The following FHIT variants were observed in gnomAD, a reference collection of about 807,000 sequenced individuals.
FHIT encodes the protein fragile histidine triad diadenosine triphosphatase, also known as bis(5'-adenosyl)-triphosphatase.
FHIT carries 19 observed loss-of-function variants against 17.9 expected under a neutral mutation model. The observed-to-expected ratio is 1.06, with a 90% CI of 0.74 to 1.56. The LOEUF is 1.56. Ranked by LOEUF, FHIT falls within the 40% of genes most tolerant of loss-of-function variation. FHIT has a pLI of 0.00. For missense variants in FHIT, 248 were observed against 189.2 expected, an observed-to-expected ratio of 1.31 and a Z score of -1.82; for synonymous variants, 81 against 69.7, an observed-to-expected ratio of 1.16 and a Z score of -0.81.
chr3:60,718,265 T>A (rs968948698), intron 4 of FHIT, among the ~76,000 whole-genome samples: 1 of 152,236 alleles, frequency 6.6e-6, no homozygotes, highest in African/African-American at 2.4e-5. Flanking sequence ...AGTTTCATGT[T>A]ATGCACTTAA....
chr3:60,363,568 A>T (rs142436534), intron 5 of FHIT, among the ~76,000 whole-genome samples: 1 of 152,114 alleles, frequency 6.6e-6, no homozygotes, highest in Admixed American at 6.5e-5. Context: ...GAGTGGTTAC[A>T]TCATTTTTCC....
At chr3:60,919,939 G>A (rs1016694804) in intron 3 of FHIT, among the ~76,000 whole-genome samples, 1 of 151,928 alleles carries the variant, frequency 6.6e-6, no homozygotes, top group African/African-American at 2.4e-5. Flanking sequence ...GAGGCTGAGG[G>A]AGGAGAGTCG....
At chr3:60,345,061 A>T (rs952905548) in intron 5 of FHIT, among the ~76,000 whole-genome samples, 14 of 152,346 alleles carry the variant, frequency 9.2e-5, no homozygotes, top group African/African-American at 3.4e-4. Flanking sequence ...CATATGCTTT[A>T]TTTAAGATTA....
chr3:61,019,817 A>G (rs1316600893), intron 3 of FHIT, among the ~76,000 whole-genome samples: 1 of 152,186 alleles, frequency 6.6e-6, no homozygotes, highest in African/African-American at 2.4e-5. Context: ...TCCAGGCACA[A>G]TGGTAAAAGG....
intron 5 of FHIT, among the ~76,000 whole-genome samples, chr3:60,292,164 TCA>T (rs1189150845): frequency 2.0e-5 from 3 of 152,038 alleles, no homozygotes; most frequent in Non-Finnish European, 4.4e-5. Context: ...CAGGTGGAAA[TCA>T]CTAGCAATGA....
At chr3:59,854,868 A>C (rs1162779396) in intron 8 of FHIT, among the ~76,000 whole-genome samples, 1 of 152,236 alleles carries the variant, frequency 6.6e-6, no homozygotes, top group East Asian at 1.9e-4. Context: ...AAGCTCATGC[A>C]GCTAAGTCTC....
In FHIT at chr3:59,873,676, T is replaced by C. The variant is rs874239; in HGVS notation, c.348+48670A>G. Among the ~76,000 whole-genome samples, 471 of 152,232 alleles carry C rather than the reference T, an allele frequency of 3.1e-3. 1 individual carries two copies. Among genetic ancestry groups the C allele is most frequent in the African/African-American group, 0.011 (441 of 41,524 alleles). On this transcript the variant is annotated intron_variant, in intron 8 of 9. Transcript: ENST00000492590. The stretch of plus-strand genomic sequence containing the variant: ...CTAGTGGCACACAGCCCCACTCAAG[T>C]TGGGACAAGCACACATGCCTCCAGA...
intron 8 of FHIT, among the ~76,000 whole-genome samples, chr3:59,789,928 A>G (rs1406175385): frequency 6.6e-6 from 1 of 152,170 alleles, no homozygotes; most frequent in African/African-American, 2.4e-5. Context: ...CATAAAAGTG[A>G]CTCTGCACAA....
At chr3:60,389,114 T>C (rs932905323) in intron 5 of FHIT, among the ~76,000 whole-genome samples, 5 of 152,204 alleles carry the variant, frequency 3.3e-5, no homozygotes, top group African/African-American at 7.2e-5. Flanking sequence ...CATTCCCTGA[T>C]TGGTTTTCCA....
At chr3:61,133,420 C>G (rs1371476146) in intron 2 of FHIT, among the ~76,000 whole-genome samples, 2 of 152,122 alleles carry the variant, frequency 1.3e-5, no homozygotes, top group Admixed American at 6.5e-5. Context: ...TGCCAGGTAG[C>G]TGGTGATCCC....
intron 2 of FHIT, among the ~76,000 whole-genome samples, chr3:61,137,009 T>G (rs2036934021): frequency 1.3e-5 from 2 of 152,192 alleles, no homozygotes; most frequent in Non-Finnish European, 2.9e-5. Flanking sequence ...TAAAACTGCA[T>G]TTAATGTTGT....
chr3:60,665,159 T>C (rs938402746), intron 4 of FHIT, among the ~76,000 whole-genome samples: 42 of 152,144 alleles, frequency 2.8e-4, no homozygotes, highest in African/African-American at 1.0e-3. Context: ...TAACACATTC[T>C]GTAAAAATTT....
At chr3:60,783,072 TC>T (rs1248495518) in intron 4 of FHIT, among the ~76,000 whole-genome samples, 1 of 152,104 alleles carries the variant, frequency 6.6e-6, no homozygotes, top group African/African-American at 2.4e-5. Flanking sequence ...AGCCTCAACT[TC>T]CCCAGACTCA....
At chr3:61,051,683 T>G (rs1307415756) in intron 2 of FHIT, among the ~76,000 whole-genome samples, 1 of 151,206 alleles carries the variant, frequency 6.6e-6, no homozygotes, top group Non-Finnish European at 1.5e-5. Context: ...GCATGAATAA[T>G]AAATATGCAA....
intron 8 of FHIT, among the ~76,000 whole-genome samples, chr3:59,858,845 A>G (rs546225320): frequency 1.3e-5 from 2 of 152,292 alleles, no homozygotes; most frequent in South Asian, 2.1e-4. Flanking sequence ...TTAGATTTGA[A>G]TTGAAGATAC....
At chr3:60,325,931 G>A (rs1709671474) in intron 5 of FHIT, among the ~76,000 whole-genome samples, 2 of 152,172 alleles carry the variant, frequency 1.3e-5, no homozygotes, top group South Asian at 4.1e-4. Context: ...CCGACGTGAT[G>A]GCAGGGATCT....
At chr3:60,612,804 AG>A (rs1348097306) in intron 4 of FHIT, among the ~76,000 whole-genome samples, 5 of 152,208 alleles carry the variant, frequency 3.3e-5, no homozygotes, top group Admixed American at 1.3e-4. Context: ...CCATCTCCTC[AG>A]GCTGTGGCAG....
intron 5 of FHIT, among the ~76,000 whole-genome samples, chr3:60,061,254 A>G (rs138596869): frequency 5.8e-4 from 89 of 152,364 alleles, no homozygotes; most frequent in African/African-American, 2.1e-3. Context: ...GACCTGTGTA[A>G]AAATCACAGT....
intron 5 of FHIT, among the ~76,000 whole-genome samples, chr3:60,250,938 CTGAG>C (rs1490686278): frequency 1.3e-5 from 2 of 152,154 alleles, no homozygotes; most frequent in Non-Finnish European, 2.9e-5. Flanking sequence ...AACTCATTGT[CTGAG>C]TGGGTGATCA....
Sources: gnomAD v4.1 joint callset for allele counts (sites outside exome capture counted in the v4.1 genomes callset) on GRCh38, gnomAD v4.1.1 for gene constraint, MANE v1.5 for transcripts, NCBI Gene and HGNC (gene_info 2026-07-23, HGNC 2026-07-21) for gene names.